Variants in TPCN1 observed in about 807,000 individuals in gnomAD.
TPCN1 encodes two pore channel protein 1.
A neutral mutation model predicts 108.8 loss-of-function variants in TPCN1; 52 were observed. The observed-to-expected ratio is 0.48, with a 90% CI of 0.38 to 0.60. TPCN1 has a LOEUF of 0.60. TPCN1 is among the 20% of genes least tolerant of loss of function. The probability of loss-of-function intolerance (pLI) is 0.00; values close to 1 mark genes in which losing one functional copy is unlikely to be tolerated. For missense variants in TPCN1, 806 were observed against 1,072.8 expected, an observed-to-expected ratio of 0.75 and a Z score of 3.47; for synonymous variants, 446 against 433.7, an observed-to-expected ratio of 1.03 and a Z score of -0.35.
At chr12:113,295,939 C>A in intron 27 of TPCN1, 21 bp from the exon 28 acceptor site, 2 of 1,566,174 alleles carry the variant, frequency 1.3e-6, no homozygotes, top group Admixed American at 1.9e-5. Flanking sequence ...CCCTCAGCAC[C>A]CCTTCTGCTC....
intron 2 of TPCN1, among the ~76,000 whole-genome samples, chr12:113,248,130 C>T (rs1022402692): frequency 6.6e-6 from 1 of 152,240 alleles, no homozygotes; most frequent in Non-Finnish European, 1.5e-5. Context: ...CACCCTTTGG[C>T]GCTGCCCACT....
intron 2 of TPCN1, among the ~76,000 whole-genome samples, chr12:113,256,396 G>A (rs1016810802): frequency 6.6e-5 from 10 of 151,784 alleles, no homozygotes; most frequent in African/African-American, 2.4e-4. Flanking sequence ...CAAAGAAATT[G>A]ACTAATTCTA....
chr12:113,236,353 C>T (rs1034455340), intron 2 of TPCN1, among the ~76,000 whole-genome samples: 2 of 152,222 alleles, frequency 1.3e-5, no homozygotes, highest in Non-Finnish European at 2.9e-5. Context: ...TGCCTGTAGG[C>T]ATTTGAGTTT....
chr12:113,286,143 G>T (rs781493468), intron 18 of TPCN1, among the ~76,000 whole-genome samples, 182 bp downstream of exon 18: 3 of 152,188 alleles, frequency 2.0e-5, no homozygotes, highest in Non-Finnish European at 2.9e-5. Context: ...CCAGGGTCAG[G>T]CCCTTGTCTG....
At chr12:113,247,605 C>T (rs1192910495) in intron 2 of TPCN1, among the ~76,000 whole-genome samples, 1 of 152,252 alleles carries the variant, frequency 6.6e-6, no homozygotes, top group South Asian at 2.1e-4. Flanking sequence ...CCACCCGGCC[C>T]CTGCCGTGCC....
chr12:113,270,485 G>GTTT (rs1277404327), intron 7 of TPCN1, among the ~76,000 whole-genome samples: 1 of 142,488 alleles, frequency 7.0e-6, no homozygotes, highest in Non-Finnish European at 1.5e-5. Context: ...GTTTTGTTTT[G>GTTT]TTTTTTTTTT....
chr12:113,241,939 A>G (rs1217869750), intron 2 of TPCN1, among the ~76,000 whole-genome samples: 1 of 152,158 alleles, frequency 6.6e-6, no homozygotes, highest in African/African-American at 2.4e-5. Flanking sequence ...GTTTCATAAT[A>G]AACCCAGTGG....
intron 2 of TPCN1, among the ~76,000 whole-genome samples, chr12:113,254,106 A>G (rs1234505214): frequency 6.6e-6 from 1 of 152,254 alleles, no homozygotes; most frequent in Non-Finnish European, 1.5e-5. Context: ...TTCTTGAAAG[A>G]TAAACAAACC....
Position 113,288,498 on chromosome 12 carries a change from A to AGGGG in TPCN1, c.1707-259_1707-256dup. On this transcript the variant is annotated intron_variant, in intron 20 of 27. Transcript: ENST00000335509. This position sits in a 1 kb window ranked among gnomAD's most constrained non-coding sequence, Gnocchi z 4.8. ...CCACCTGTGTCTACATTCACAGGTA[A>AGGGG]GGGGTCACCTGTGAGTCTACCTTCA... 1.3e-6 allele frequency: 2 copies of AGGGG among 1,501,978 alleles called. No individual in the cohort carries two copies. Among genetic ancestry groups the AGGGG allele is most frequent in the Non-Finnish European group, 1.8e-6 (2 of 1,128,432 alleles). 93.0% of individuals were successfully genotyped at this position (1,501,978 alleles called of 1,614,324 possible).
intron 2 of TPCN1, among the ~76,000 whole-genome samples, chr12:113,259,235 C>A (rs954178101): frequency 6.6e-6 from 1 of 152,164 alleles, no homozygotes; most frequent in East Asian, 1.9e-4. Context: ...CCTTGGCCTC[C>A]CAAAGTGCTG....
chr12:113,241,802 GTGTA>G (rs1954145999), intron 2 of TPCN1, among the ~76,000 whole-genome samples: 1 of 151,984 alleles, frequency 6.6e-6, no homozygotes, highest in African/African-American at 2.4e-5. Context: ...GTGCGTGTGT[GTGTA>G]TGAGACAGCA....
rs1190632249 is a variant in TPCN1 at position 113,273,438 on chromosome 12, A to G, written c.843-131A>G. The G allele has an allele frequency of 8.1e-7, 1 of 1,235,724 alleles. No homozygotes were observed. Among genetic ancestry groups the G allele is most frequent in the Admixed American group, 1.7e-5 (1 of 58,834 alleles). The allele number at this position is 1,235,724 out of a possible 1,614,324, so 76.5% of individuals were successfully genotyped here. A position where few individuals can be genotyped will look rare whatever the true frequency, so the allele number is the denominator to read the frequency against. Reference sequence around the variant, plus strand: ...GGTTGGCCCACTGAGCACGGAGCCCAGGGATGAGAGTAGGGGAACCAGGGT... The same window carrying G: ...GGTTGGCCCACTGAGCACGGAGCCCGGGGATGAGAGTAGGGGAACCAGGGT... On this transcript the variant is annotated intron_variant, in intron 9 of 27. Coordinates refer to ENST00000335509, the MANE Select transcript of TPCN1 (RefSeq NM_017901.6). The surrounding 1 kb of genome is among the most constrained non-coding windows in gnomAD (Gnocchi z 4.0).
intron 2 of TPCN1, among the ~76,000 whole-genome samples, chr12:113,251,130 C>G (rs1954616008): frequency 6.6e-6 from 1 of 151,004 alleles, no homozygotes; most frequent in East Asian, 1.9e-4. Context: ...TGGCAAGACC[C>G]CATCTCTACA....
At chr12:113,226,623 C>A in intron 1 of TPCN1, 105 bp from the exon 2 acceptor site, 3 of 962,038 alleles carry the variant, frequency 3.1e-6, no homozygotes, top group Non-Finnish European at 4.6e-6. Context: ...GGTTTTTATT[C>A]ACGAGGTTGT....
At chr12:113,252,893 G>T (rs1954699165) in intron 2 of TPCN1, among the ~76,000 whole-genome samples, 2 of 152,200 alleles carry the variant, frequency 1.3e-5, no homozygotes, top group Admixed American at 6.5e-5. Context: ...CTATTGGGAA[G>T]AGAAGGGTCA....
Position 113,292,922 on chromosome 12 carries a change from C to CCAT in TPCN1, c.2114-10_2114-8dup. 3 of 1,608,780 alleles carry CCAT rather than the reference C, an allele frequency of 1.9e-6. No homozygotes were observed. The highest frequency in any genetic ancestry group is 2.5e-6 in the Non-Finnish European group (3 of 1,178,014). On this transcript the variant is annotated splice_polypyrimidine_tract_variant and intron_variant, in intron 25 of 27. Coordinates refer to ENST00000335509, the MANE Select transcript of TPCN1 (RefSeq NM_017901.6). ...CCCGGGCCCTTCCCACACCTGCCTT[C>CCAT]CATCCCTGCAGTTGATGGTGGCATC...
At chr12:113,270,759 G>A (rs1271017712) in intron 7 of TPCN1, among the ~76,000 whole-genome samples, 17 of 152,188 alleles carry the variant, frequency 1.1e-4, no homozygotes, top group South Asian at 2.1e-4. Flanking sequence ...GATTATAGGC[G>A]TGGGCCACCG....
chr12:113,240,454 G>C (rs1256166885), intron 2 of TPCN1, among the ~76,000 whole-genome samples: 1 of 152,208 alleles, frequency 6.6e-6, no homozygotes, highest in Non-Finnish European at 1.5e-5. Flanking sequence ...TGAATGAGGA[G>C]CTGAGCTTGT....
chr12:113,258,202 C>T (rs1228764970), intron 2 of TPCN1, among the ~76,000 whole-genome samples: 8 of 152,172 alleles, frequency 5.3e-5, no homozygotes, highest in African/African-American at 7.2e-5. Flanking sequence ...CACGATGGCT[C>T]ACATCTATAA....
Sources: gnomAD v4.1 joint callset for allele counts (sites outside exome capture counted in the v4.1 genomes callset) on GRCh38, gnomAD v4.1.1 for gene constraint, Gnocchi (gnomAD v3.1) non-coding constraint, MANE v1.5 for transcripts, NCBI Gene and HGNC (gene_info 2026-07-23, HGNC 2026-07-21) for gene names.